LYST: variants seen among roughly 807,000 people sequenced by gnomAD.
The protein encoded by LYST is lysosomal-trafficking regulator.
LYST carries 192 observed loss-of-function variants against 413.6 expected under a neutral mutation model. That is an observed-to-expected ratio of 0.46 (90% CI 0.41 to 0.52). The LOEUF is 0.52. Ranked by LOEUF, LYST falls within the 20% of genes least tolerant of loss-of-function variation. The pLI, the probability that LYST is intolerant of heterozygous loss-of-function variation, is 0.00. For synonymous variants in LYST, 1,525 were observed against 1,567.3 expected (o/e 0.97, Z 0.64); for missense variants, 3,815 against 4,499.9 (o/e 0.85, Z 4.35).
rs1258798785 is a variant in LYST, at chr1:235,744,892, CAAAAAAAAAAAG to C, written c.7973-747_7973-736del. 1.2e-4 allele frequency among the ~76,000 whole-genome samples: 14 copies of C among 115,138 alleles called. No individual in the cohort carries two copies. In the East Asian group the frequency reaches 3.8e-3, roughly 31 times the overall value. 75.5% of individuals were successfully genotyped at this position (115,138 alleles called of 152,430 possible). A position where few individuals can be genotyped will look rare whatever the true frequency, so the allele number is the denominator to read the frequency against. On this transcript the variant is annotated intron_variant, in intron 29 of 52. Coordinates refer to ENST00000389793, the MANE Select transcript of LYST (RefSeq NM_000081.4). Reference sequence around the variant, plus strand: ...TTGGTGACAGAGTGAGAACCCATCTCAAAAAAAAAAAGAAAAAAAAAAAGAGAGAAAGAAAAG... The same window carrying C: ...TTGGTGACAGAGTGAGAACCCATCTCAAAAAAAAAAAGAGAGAAAGAAAAG...
Position 235,806,105 on chromosome 1 carries a change from T to C in LYST, c.3031A>G (p.Lys1011Glu), listed in dbSNP as rs145666408. The C allele has an allele frequency of 1.1e-5, 17 of 1,613,866 alleles. No homozygotes were observed. Among genetic ancestry groups the C allele is most frequent in the Admixed American group, 3.3e-5 (2 of 59,996 alleles). Residue 1011 changes from lysine to glutamate, a missense_variant, in exon 6 of 53, where the codon AAA (lysine) becomes GAA (glutamate). Transcript: ENST00000389793. ...TTTACACTTGTATCTCCCTCCTTTT[T>C]TCCTTGCTCCTCTTTGTGACTTCTG... is the stretch of plus-strand genomic sequence containing the variant. ...LFRSHKEEQG[K>E]KEGDTSVNEN...
chr1:235,788,350 GTTTTTA>G (rs1670648512), intron 13 of LYST, among the ~76,000 whole-genome samples: 1 of 151,568 alleles, frequency 6.6e-6, no homozygotes, highest in Non-Finnish European at 1.5e-5. Context: ...TTGTTTTTTT[GTTTTTA>G]TTTTTATTTT....
intron 48 of LYST, among the ~76,000 whole-genome samples, chr1:235,684,261 G>C (rs957281323): frequency 2.0e-5 from 3 of 152,050 alleles, no homozygotes; most frequent in African/African-American, 7.2e-5. Flanking sequence ...ACTGCACACT[G>C]TGTTAGTGCA....
At chr1:235,703,474 T>A (rs1246798701) in intron 44 of LYST, among the ~76,000 whole-genome samples, 1 of 152,196 alleles carries the variant, frequency 6.6e-6, no homozygotes, top group African/African-American at 2.4e-5. Flanking sequence ...AGCATATTTT[T>A]TCTTAGTGTC....
At chr1:235,832,947 T>C (rs768653751) in intron 2 of LYST, among the ~76,000 whole-genome samples, 5 of 152,156 alleles carry the variant, frequency 3.3e-5, no homozygotes, top group Admixed American at 2.6e-4. Flanking sequence ...AGTGGATTTC[T>C]TTTGATATAA....
Position 235,664,658 on chromosome 1 carries a change from G to C in LYST, c.11039-37C>G, listed in dbSNP as rs199889667. The stretch of plus-strand genomic sequence containing the variant: ...AAATCATCCGGCGGGTTACCAGAAT[G>C]TGGCTGTCTCAGAGCCCACATTTGG... On this transcript the variant is annotated intron_variant, in intron 50 of 52. Transcript: ENST00000389793. This position sits in a 1 kb window ranked among gnomAD's most constrained non-coding sequence, Gnocchi z 4.5. 1,470 of 1,612,566 alleles carry C rather than the reference G, an allele frequency of 9.1e-4. 21 individuals are homozygous for C. The South Asian group carries it at 0.011, about 12-fold the overall frequency.
chr1:235,697,652 T>C (rs1315564352), intron 45 of LYST, among the ~76,000 whole-genome samples: 1 of 152,174 alleles, frequency 6.6e-6, no homozygotes, highest in Non-Finnish European at 1.5e-5. Flanking sequence ...CATATGGTAA[T>C]AGAAATCAAG....
intron 34 of LYST, among the ~76,000 whole-genome samples, chr1:235,732,617 C>A (rs956256079): frequency 6.6e-6 from 1 of 152,114 alleles, no homozygotes; most frequent in South Asian, 2.1e-4. Flanking sequence ...TAATATCCTG[C>A]GGTGAATATT....
intron 50 of LYST, among the ~76,000 whole-genome samples, chr1:235,666,584 A>G (rs1658487129): frequency 7.2e-6 from 1 of 138,786 alleles, no homozygotes; most frequent in Non-Finnish European, 1.5e-5. Context: ...ACATTGAGAC[A>G]CACATGCACA....
intron 47 of LYST, among the ~76,000 whole-genome samples, chr1:235,688,907 C>A (rs985504721): frequency 6.6e-5 from 10 of 151,570 alleles, no homozygotes; most frequent in Non-Finnish European, 5.9e-5. Flanking sequence ...ATCGCTTGAA[C>A]CCAGGAGGGG....
intron 22 of LYST, among the ~76,000 whole-genome samples, chr1:235,760,936 T>C (rs1315053168): frequency 1.3e-5 from 2 of 152,130 alleles, no homozygotes. Flanking sequence ...AAAACAAATA[T>C]GTCCTGTAAA....
chr1:235,753,877 A>G (rs1666728838), intron 25 of LYST, among the ~76,000 whole-genome samples: 1 of 152,216 alleles, frequency 6.6e-6, no homozygotes, highest in Non-Finnish European at 1.5e-5. Context: ...GAAAAGTAGC[A>G]TTGAAACTAC....
intron 10 of LYST, among the ~76,000 whole-genome samples, chr1:235,796,881 T>G (rs1671604559): frequency 6.6e-6 from 1 of 152,164 alleles, no homozygotes; most frequent in Non-Finnish European, 1.5e-5. Context: ...AAAGGTATAC[T>G]TAATACATTA....
intron 52 of LYST, among the ~76,000 whole-genome samples, chr1:235,663,642 T>C (rs1392537639): frequency 6.6e-6 from 1 of 152,236 alleles, no homozygotes; most frequent in Non-Finnish European, 1.5e-5. Context: ...AGTAACTGAT[T>C]ATTTATCTAT....
chr1:235,817,188 C>A (rs1374239872), intron 3 of LYST, among the ~76,000 whole-genome samples: 1 of 151,306 alleles, frequency 6.6e-6, no homozygotes, highest in African/African-American at 2.4e-5. Flanking sequence ...TCACACCAGT[C>A]AGGATGGCTA....
At chr1:235,699,009 T>C (rs1661331382) in intron 45 of LYST, among the ~76,000 whole-genome samples, 2 of 152,226 alleles carry the variant, frequency 1.3e-5, no homozygotes, top group Non-Finnish European at 2.9e-5. Context: ...TTATATGAGT[T>C]GCAGAGTTTA....
intron 41 of LYST, among the ~76,000 whole-genome samples, chr1:235,715,947 A>G (rs1017655590): frequency 3.3e-5 from 5 of 152,060 alleles, no homozygotes; most frequent in African/African-American, 1.2e-4. Flanking sequence ...CAAACATTTA[A>G]TATCTGTCAC....
chr1:235,800,068 C>T (rs975501264), intron 10 of LYST, among the ~76,000 whole-genome samples: 33 of 148,964 alleles, frequency 2.2e-4, no homozygotes, highest in Admixed American at 1.5e-3. Context: ...GCGATCCTCC[C>T]ACCTCAGCCT....
chr1:235,768,409 C>A (rs993236729), intron 20 of LYST, among the ~76,000 whole-genome samples: 1 of 152,052 alleles, frequency 6.6e-6, no homozygotes, highest in East Asian at 1.9e-4. Flanking sequence ...AATGAAACTG[C>A]CTTACATCCA....
Sources: allele counts gnomAD v4.1 joint callset (sites outside exome capture counted in the v4.1 genomes callset), GRCh38; gene constraint gnomAD v4.1.1; non-coding constraint Gnocchi (gnomAD v3.1); transcripts MANE v1.5; gene names NCBI Gene and HGNC (gene_info 2026-07-23, HGNC 2026-07-21).